The following ENAH variants were observed in gnomAD, a reference collection of about 807,000 sequenced individuals.
ENAH encodes ENAH actin regulator, also known as protein enabled homolog.
A neutral mutation model predicts 78.7 loss-of-function variants in ENAH; 23 were observed. The observed-to-expected ratio is 0.29, with a 90% CI of 0.21 to 0.41. The LOEUF is 0.41. ENAH is among the 10% of genes least tolerant of loss of function. The pLI, the probability that ENAH is intolerant of heterozygous loss-of-function variation, is 1.00. For missense variants in ENAH, 544 were observed against 691.0 expected, an observed-to-expected ratio of 0.79 and a Z score of 2.39; for synonymous variants, 226 against 241.0, an observed-to-expected ratio of 0.94 and a Z score of 0.58.
intron 7 of ENAH, among the ~76,000 whole-genome samples, chr1:225,514,292 G>A (rs957493669): frequency 4.0e-5 from 6 of 151,796 alleles, no homozygotes; most frequent in Admixed American, 6.6e-5. Flanking sequence ...TCAGCCTCCC[G>A]AGCAGCTGGG....
chr1:225,540,629 C>G (rs569529877), intron 3 of ENAH, among the ~76,000 whole-genome samples: 12 of 150,890 alleles, frequency 8.0e-5, no homozygotes, highest in Non-Finnish European at 1.6e-4. Context: ...TGTTTACATT[C>G]AATCTGGCAT....
At chr1:225,512,167 G>A (rs981369456) in intron 9 of ENAH, among the ~76,000 whole-genome samples, 1 of 152,184 alleles carries the variant, frequency 6.6e-6, no homozygotes, top group Non-Finnish European at 1.5e-5. Context: ...GGAGCAGGGG[G>A]AACATATTAT....
chr1:225,524,335 T>C (rs1039126970), intron 4 of ENAH, among the ~76,000 whole-genome samples: 1 of 152,206 alleles, frequency 6.6e-6, no homozygotes, highest in Non-Finnish European at 1.5e-5. Flanking sequence ...CTATAATGAA[T>C]AGTGTTACTA....
At chr1:225,608,567 G>A (rs906898879) in intron 1 of ENAH, among the ~76,000 whole-genome samples, 1 of 151,962 alleles carries the variant, frequency 6.6e-6, no homozygotes, top group Admixed American at 6.6e-5. Context: ...TGTAATCTGA[G>A]CACTTTGGAA....
chr1:225,641,606 G>A (rs1661076032), intron 1 of ENAH, among the ~76,000 whole-genome samples: 1 of 152,010 alleles, frequency 6.6e-6, no homozygotes, highest in South Asian at 2.1e-4. Context: ...AAGATACAAG[G>A]CTGAACATGG....
intron 3 of ENAH, 117 bp from the exon 4 acceptor site, chr1:225,530,755 TG>T (rs2096533855): frequency 2.6e-6 from 2 of 773,066 alleles, no homozygotes; most frequent in Non-Finnish European, 4.3e-6. Flanking sequence ...GTCTTCTTTT[TG>T]TCTAGCAAAA....
intron 1 of ENAH, among the ~76,000 whole-genome samples, chr1:225,601,565 T>C (rs911209803): frequency 2.0e-5 from 3 of 151,140 alleles, no homozygotes; most frequent in Non-Finnish European, 3.0e-5. Flanking sequence ...AAAATACTTA[T>C]ATTAAAAAAG....
intron 3 of ENAH, among the ~76,000 whole-genome samples, chr1:225,547,707 C>G (rs987122307): frequency 2.0e-5 from 3 of 152,152 alleles, no homozygotes; most frequent in Non-Finnish European, 4.4e-5. Flanking sequence ...TTATTCCCAC[C>G]AGGCCAAACA....
intron 1 of ENAH, among the ~76,000 whole-genome samples, chr1:225,621,523 A>ACCTCGTGATCCGCCCGCCT (rs1319236202): frequency 6.6e-6 from 1 of 151,156 alleles, no homozygotes; most frequent in African/African-American, 2.4e-5. Flanking sequence ...CGATCTCCTG[A>ACCTCGTGATCCGCCCGCCT]CCTCGTGATC....
intron 2 of ENAH, among the ~76,000 whole-genome samples, chr1:225,565,550 C>T (rs369295380): frequency 1.3e-5 from 2 of 152,138 alleles, no homozygotes; most frequent in East Asian, 3.9e-4. Context: ...ACTAAATTTA[C>T]CAAAAACGTA....
intron 12 of ENAH, among the ~76,000 whole-genome samples, chr1:225,500,622 G>C (rs557292388): frequency 4.6e-5 from 7 of 152,286 alleles, no homozygotes; most frequent in African/African-American, 7.2e-5. Context: ...GTATAGAAGA[G>C]TGCCTGTTTC....
At chr1:225,511,319 T>C (rs1370847299) in intron 10 of ENAH, among the ~76,000 whole-genome samples, 1 of 152,220 alleles carries the variant, frequency 6.6e-6, no homozygotes, top group Non-Finnish European at 1.5e-5. Context: ...TATACTTTTG[T>C]TAATATTCTA....
Position 225,652,720 on chromosome 1 carries a change from A to T in ENAH, c.-30T>A. On this transcript the variant is annotated 5_prime_UTR_variant, in exon 1 of 14. Transcript: ENST00000366843. ...CCGGCGGCGCAGAGGCTTCCCCACC[A>T]GCCGGGAGACGCAGAAGGCGCCGAG... 7.6e-7 allele frequency: 1 copy of T among 1,314,922 alleles called. No individual in the cohort carries two copies. Among genetic ancestry groups the T allele is most frequent in the Non-Finnish European group, 9.7e-7 (1 of 1,033,876 alleles). 81.5% of individuals were successfully genotyped at this position (1,314,922 alleles called of 1,614,324 possible).
In ENAH at chr1:225,521,728, G is replaced by A. The variant is rs569847442; in HGVS notation, c.435-2163C>T. Reference sequence around the variant, plus strand: ...AGATTAAATGAAGTAATACCTAAAAGCTCTTTAAGAAGTACTTGAAACATA... The same window carrying A: ...AGATTAAATGAAGTAATACCTAAAAACTCTTTAAGAAGTACTTGAAACATA... On this transcript the variant is annotated intron_variant, in intron 4 of 13. Coordinates refer to ENST00000366843, the MANE Select transcript of ENAH (RefSeq NM_018212.6). 9.3e-5 allele frequency among the ~76,000 whole-genome samples: 14 copies of A among 151,220 alleles called. No homozygotes were observed. The South Asian group carries it at 2.5e-3, about 27-fold the overall frequency.
intron 1 of ENAH, among the ~76,000 whole-genome samples, chr1:225,599,631 C>T (rs892359838): frequency 6.6e-6 from 1 of 151,562 alleles, no homozygotes; most frequent in African/African-American, 2.4e-5. Flanking sequence ...CATGGTGAAA[C>T]CCCGTCTCTA....
At chr1:225,501,979 C>G (rs1035260699) in intron 11 of ENAH, among the ~76,000 whole-genome samples, 1 of 152,164 alleles carries the variant, frequency 6.6e-6, no homozygotes, top group Non-Finnish European at 1.5e-5. Context: ...CTGGTTTAGT[C>G]TAGTAAATGC....
At chr1:225,601,374 C>T (rs534641228) in intron 1 of ENAH, among the ~76,000 whole-genome samples, 2 of 151,916 alleles carry the variant, frequency 1.3e-5, no homozygotes, top group East Asian at 3.9e-4. Context: ...AAAAATTAGC[C>T]GGGTGTGGTG....
At position 225,517,300 on chromosome 1, in the gene ENAH, G is replaced by T; in HGVS notation, c.809C>A (p.Pro270His). ...RERRISSAAA[P>H]ASVETPLNSV... ...GTTTAGAGGAGTCTCAACAGAGGCA[G>T]GGGCAGCTGCAGAGGGAGAAGGGAG... is the stretch of plus-strand genomic sequence containing the variant. Residue 270 changes from proline (P) to histidine (H), a missense_variant, in exon 6 of 14, where the codon CCT becomes CAT. Pro to His is a moderately conservative substitution (Grantham distance 77). This residue lies in a region of ENAH where 366 missense variants were observed against 396.1 expected (regional missense o/e 0.92). Transcript: ENST00000366843. The T allele has an allele frequency of 6.4e-7, 1 of 1,551,790 alleles. No homozygotes were observed. Among genetic ancestry groups the T allele is most frequent in the Non-Finnish European group, 8.7e-7 (1 of 1,147,052 alleles).
intron 11 of ENAH, chr1:225,505,047 A>G (rs763158088): frequency 2.9e-5 from 46 of 1,610,950 alleles, no homozygotes; most frequent in Non-Finnish European, 3.8e-5. Flanking sequence ...TCCTTGGAGA[A>G]TCCCGTCTAT....
Sources: allele counts gnomAD v4.1 joint callset (sites outside exome capture counted in the v4.1 genomes callset), GRCh38; gene constraint gnomAD v4.1.1; regional missense constraint gnomAD v4.1.1; transcripts MANE v1.5; gene names NCBI Gene and HGNC (gene_info 2026-07-23, HGNC 2026-07-21).